DACH2: variants seen among roughly 807,000 people sequenced by gnomAD.
DACH2 encodes the protein dachshund family transcription factor 2, also known as dachshund homolog 2.
A neutral mutation model predicts 35.8 loss-of-function variants in DACH2; 17 were observed. The ratio of observed to expected loss-of-function variants is 0.48; its 90% confidence interval spans 0.33 to 0.71. The LOEUF (loss-of-function observed/expected upper bound fraction) is 0.71. DACH2 is among the 30% of genes least tolerant of loss of function. The probability of loss-of-function intolerance (pLI) is 0.02; values close to 1 mark genes in which losing one functional copy is unlikely to be tolerated. For synonymous variants in DACH2, 195 were observed against 177.3 expected (o/e 1.10, Z -0.79); for missense variants, 469 against 472.7 (o/e 0.99, Z 0.07).
At chrX:86,185,116 A>C (rs1176429616) in intron 1 of DACH2, among the ~76,000 whole-genome samples, 1 of 111,604 alleles carries the variant, frequency 9.0e-6, no homozygotes, top group East Asian at 2.8e-4. Context: ...TATACTTCCA[A>C]AGGACTTAGT....
intron 11 of DACH2, among the ~76,000 whole-genome samples, chrX:86,827,238 C>T (rs2042570505): frequency 8.9e-6 from 1 of 111,984 alleles, no homozygotes; most frequent in African/African-American, 3.2e-5. Context: ...AAGGAAATCT[C>T]ATACTGAGGG....
intron 1 of DACH2, 89 bp from the exon 2 acceptor site, chrX:86,376,735 A>G (rs1303334562): frequency 9.3e-7 from 1 of 1,072,607 alleles, no homozygotes; most frequent in Non-Finnish European, 1.2e-6. Flanking sequence ...GTGAAATATA[A>G]TAAAGCCTTG....
chrX:86,719,114 T>A (rs779082080), intron 6 of DACH2, among the ~76,000 whole-genome samples: 1 of 112,348 alleles, frequency 8.9e-6, no homozygotes, highest in South Asian at 3.6e-4. Flanking sequence ...GCAAGGGATA[T>A]TTTTCCATTT....
At chrX:86,377,384 T>C (rs1392400498) in intron 2 of DACH2, among the ~76,000 whole-genome samples, 1 of 111,546 alleles carries the variant, frequency 9.0e-6, no homozygotes, top group Non-Finnish European at 1.9e-5. Flanking sequence ...AACATTTAAA[T>C]TGTTTTCTTC....
intron 3 of DACH2, among the ~76,000 whole-genome samples, chrX:86,633,168 TG>T: frequency 9.1e-6 from 1 of 110,009 alleles, no homozygotes; most frequent in Non-Finnish European, 1.9e-5. Context: ...GGAAATGAAA[TG>T]TTGGTTATTT....
At chrX:86,683,766 A>G in intron 4 of DACH2, among the ~76,000 whole-genome samples, 1 of 111,579 alleles carries the variant, frequency 9.0e-6, no homozygotes, top group East Asian at 2.8e-4. Context: ...TGATATGTCT[A>G]GATATTGTAT....
chrX:86,741,873 T>C (rs760855413), intron 7 of DACH2, among the ~76,000 whole-genome samples: 2 of 111,556 alleles, frequency 1.8e-5, no homozygotes, highest in African/African-American at 6.5e-5. Flanking sequence ...GCTGTCGCCA[T>C]GAGTTAGACA....
At chrX:86,331,873 G>A (rs1038222244) in intron 1 of DACH2, among the ~76,000 whole-genome samples, 1 of 111,184 alleles carries the variant, frequency 9.0e-6, no homozygotes, top group East Asian at 2.8e-4. Context: ...CATGTACAGA[G>A]TGAGTATATC....
chrX:86,310,525 T>C (rs936045616), intron 1 of DACH2, among the ~76,000 whole-genome samples: 1 of 111,418 alleles, frequency 9.0e-6, no homozygotes, highest in Non-Finnish European at 1.9e-5. Flanking sequence ...CAACAGCCCA[T>C]TTCTAGGACA....
chrX:86,325,169 C>T (rs1224311593), intron 1 of DACH2, among the ~76,000 whole-genome samples: 3 of 111,335 alleles, frequency 2.7e-5, no homozygotes, highest in African/African-American at 9.8e-5. Flanking sequence ...CGTAATATCT[C>T]CAAACCCGTA....
At chrX:86,433,255 C>A (rs2037013775) in intron 2 of DACH2, among the ~76,000 whole-genome samples, 1 of 111,795 alleles carries the variant, frequency 8.9e-6, no homozygotes, top group East Asian at 2.8e-4. Context: ...ATAACGTCAA[C>A]CCTCATCAAT....
intron 1 of DACH2, among the ~76,000 whole-genome samples, chrX:86,156,368 C>T (rs1280073745): frequency 3.6e-5 from 4 of 111,336 alleles, no homozygotes; most frequent in Non-Finnish European, 3.8e-5. Flanking sequence ...CATATACACA[C>T]GTTTATTCCT....
intron 1 of DACH2, among the ~76,000 whole-genome samples, chrX:86,205,474 C>T (rs866797414): frequency 2.5e-4 from 12 of 47,211 alleles, no homozygotes; most frequent in African/African-American, 2.0e-3. Flanking sequence ...CCCTCCTTCC[C>T]TCCTTCCCTC....
intron 1 of DACH2, among the ~76,000 whole-genome samples, chrX:86,256,092 A>AT (rs2033513738): frequency 9.0e-6 from 1 of 111,043 alleles, no homozygotes. Context: ...AAGCATAGGG[A>AT]TTTTTATTTT....
intron 3 of DACH2, among the ~76,000 whole-genome samples, chrX:86,534,399 T>A (rs2038767296): frequency 8.9e-6 from 1 of 112,356 alleles, no homozygotes; most frequent in Non-Finnish European, 1.9e-5. Flanking sequence ...GTATGTTGGA[T>A]GACAAGATGA....
intron 5 of DACH2, among the ~76,000 whole-genome samples, chrX:86,696,314 G>C: frequency 8.9e-6 from 1 of 111,744 alleles, no homozygotes; most frequent in East Asian, 2.8e-4. Context: ...ATAAGTTATG[G>C]TGTGATACTT....
chrX:86,731,687 A>G (rs2041534256), intron 6 of DACH2, among the ~76,000 whole-genome samples: 1 of 112,090 alleles, frequency 8.9e-6, no homozygotes, highest in African/African-American at 3.2e-5. Context: ...GGTAAAAAAA[A>G]GAAAATGTTT....
chrX:86,376,696 A>T (rs2035972757), intron 1 of DACH2, 128 bp from the exon 2 acceptor site: 1 of 925,486 alleles, frequency 1.1e-6, no homozygotes, highest in African/African-American at 2.1e-5. Flanking sequence ...ACCTATCTAA[A>T]ATTTCTGCAG....
rs141968190 is a variant in DACH2 at position 86,180,668 on chromosome X, C to T, written c.488+31560C>T. 3.3e-3 allele frequency among the ~76,000 whole-genome samples: 369 copies of T among 111,292 alleles called. 3 individuals carry two copies. The highest frequency in any genetic ancestry group is 0.011 in the African/African-American group (349 of 30,658). On this transcript the variant is annotated intron_variant, in intron 1 of 11. Transcript: ENST00000373125. ...TGCTATTCTCTTGAAGTGTGGCAGA[C>T]GCTTACTATATTGATGCCAGCTGGT...
Sources: gnomAD v4.1 joint callset for allele counts (sites outside exome capture counted in the v4.1 genomes callset) on GRCh38, gnomAD v4.1.1 for gene constraint, MANE v1.5 for transcripts, NCBI Gene and HGNC (gene_info 2026-07-23, HGNC 2026-07-21) for gene names.